The following TMEM143 variants were observed in gnomAD, a reference collection of about 807,000 sequenced individuals.
TMEM143 encodes the protein transmembrane protein 143.
TMEM143 carries 45 observed loss-of-function variants against 40.3 expected under a neutral mutation model. The ratio of observed to expected loss-of-function variants is 1.12; its 90% CI spans 0.88 to 1.43. The LOEUF (loss-of-function observed/expected upper bound fraction) is 1.43, where lower values mean the gene tolerates loss of function less well. Among genes scored for constraint, TMEM143 ranks in the 40% most tolerant of loss-of-function variants. The pLI, the probability that TMEM143 is intolerant of heterozygous loss-of-function variation, is 0.00. For synonymous variants in TMEM143, 299 were observed against 282.7 expected, an observed-to-expected ratio of 1.06 and a Z score of -0.58; for missense variants, 620 against 613.4, an observed-to-expected ratio of 1.01 and a Z score of -0.11.
intron 6 of TMEM143, among the ~76,000 whole-genome samples, chr19:48,341,543 A>G (rs1668100590): frequency 1.3e-5 from 2 of 152,176 alleles, no homozygotes; most frequent in African/African-American, 2.4e-5. Context: ...AATGATAATA[A>G]TCATCATCCT....
At position 48,334,085 on chromosome 19, in the gene TMEM143, T is replaced by A; in HGVS notation, c.1088A>T (p.Asp363Val). ...CAGCAGCGCCTCCTTGGTGTGCTCG[T>A]CCTGCGCGCGCAGGGCCAGGGCGCT... The part of the protein sequence containing the change: ...LLSALALRAQ[D>V]EHTKEALLAH... Residue 363 changes from aspartate to valine, a missense_variant, in exon 7 of 8, where the codon GAC becomes GTC. Coordinates refer to ENST00000293261, the MANE Select transcript of TMEM143 (RefSeq NM_018273.4). The A allele has an allele frequency of 1.9e-6, 3 of 1,590,062 alleles. No homozygotes were observed. Among genetic ancestry groups the A allele is most frequent in the Non-Finnish European group, 1.7e-6 (2 of 1,169,592 alleles).
intron 5 of TMEM143, 77 bp downstream of exon 5, chr19:48,343,244 G>GAC: frequency 1.3e-6 from 2 of 1,515,834 alleles, no homozygotes; most frequent in Non-Finnish European, 1.8e-6. Flanking sequence ...ACCCAAACCA[G>GAC]ACACTGACCT....
rs1047913776 is a variant in TMEM143, at chr19:48,341,899, C to T, written c.975+631G>A. Among the ~76,000 whole-genome samples the T allele has an allele frequency of 2.6e-5, 4 of 152,012 alleles. No individual in the cohort carries two copies. The East Asian group carries it at 7.7e-4, about 29-fold the overall frequency. On this transcript the variant is annotated intron_variant, in intron 6 of 7. Coordinates refer to ENST00000293261, the MANE Select transcript of TMEM143 (RefSeq NM_018273.4). ...GCCGAGCACTGCCCAGTGCTTCTCA[C>T]AGACTCACTCATTTCATGCTCACAA...
chr19:48,349,996 A>AT (rs1969727323), intron 3 of TMEM143, among the ~76,000 whole-genome samples: 6 of 103,000 alleles, frequency 5.8e-5, no homozygotes, highest in African/African-American at 2.0e-4. Context: ...GTCTACATTT[A>AT]ATTTTTTTTT....
Position 48,333,569 on chromosome 19 carries a change from G to A in TMEM143, c.1166-136C>T. On this transcript the variant is annotated intron_variant, in intron 7 of 7. Transcript: ENST00000293261. The surrounding 1 kb of genome is among the most constrained non-coding windows in gnomAD (Gnocchi z 4.1). ...AAGCCTAGGAGTGATCTTGAGGCTTGGAGGGGAGCGGAACAAGGCCCAGGA... is the reference window on the plus strand; with the variant it reads ...AAGCCTAGGAGTGATCTTGAGGCTTAGAGGGGAGCGGAACAAGGCCCAGGA... 1.7e-6 allele frequency: 1 copy of A among 584,132 alleles called. No homozygotes were observed. Among genetic ancestry groups the A allele is most frequent in the Non-Finnish European group, 2.9e-6 (1 of 340,940 alleles). 36.2% of individuals were successfully genotyped at this position (584,132 alleles called of 1,614,324 possible). A position where few individuals can be genotyped will look rare whatever the true frequency, so the allele number is the denominator to read the frequency against.
chr19:48,334,416 CTCTTTCTTTCTTTCTTTCTTTCTT>C lies in TMEM143; in HGVS notation c.976-243_976-220del, dbSNP rs201875941. 6.2e-3 allele frequency among the ~76,000 whole-genome samples: 676 copies of C among 108,246 alleles called. 8 individuals are homozygous for C. The highest frequency in any genetic ancestry group is 0.014 in the Middle Eastern group (3 of 210). 71.0% of individuals were successfully genotyped at this position (108,246 alleles called of 152,430 possible). On this transcript the variant is annotated intron_variant, in intron 6 of 7. Transcript: ENST00000293261. ...GTCTTTTCTTTTTCTTTCTTTTTCTCTCTTTCTTTCTTTCTTTCTTTCTTTCTTTCTTTCTTTCTTTCTTTCTTT... is the reference window on the plus strand; with the variant it reads ...GTCTTTTCTTTTTCTTTCTTTTTCTCTCTTTCTTTCTTTCTTTCTTTCTTT...
chr19:48,363,873 T>C (rs201441262), intron 1 of TMEM143, 25 bp downstream of exon 1: 1 of 1,613,938 alleles, frequency 6.2e-7, no homozygotes. Flanking sequence ...TCCCTGGCCA[T>C]GCAATCCCCC....
At chr19:48,349,997 ATTT>A (rs71181679) in intron 3 of TMEM143, among the ~76,000 whole-genome samples, 19 of 109,016 alleles carry the variant, frequency 1.7e-4, no homozygotes, top group Non-Finnish European at 1.6e-4. Context: ...TCTACATTTA[ATTT>A]TTTTTTTTTT....
At chr19:48,340,121 ATTTTTT>A (rs11369636) in intron 6 of TMEM143, among the ~76,000 whole-genome samples, 3 of 98,560 alleles carry the variant, frequency 3.0e-5, no homozygotes, top group African/African-American at 4.2e-5. Flanking sequence ...GTCAACTGGG[ATTTTTT>A]TTTTTTTTTT....
At chr19:48,351,989 T>C (rs980161688) in intron 3 of TMEM143, among the ~76,000 whole-genome samples, 5 of 151,966 alleles carry the variant, frequency 3.3e-5, no homozygotes, top group Non-Finnish European at 5.9e-5. Flanking sequence ...GGTTTACGCC[T>C]GTAATCCCAG....
At chr19:48,344,879 T>C (rs1969584907) in intron 4 of TMEM143, among the ~76,000 whole-genome samples, 1 of 152,168 alleles carries the variant, frequency 6.6e-6, no homozygotes. Context: ...GATAATTTTT[T>C]ATATTTTTAG....
At chr19:48,348,535 T>C (rs1969697251) in intron 3 of TMEM143, among the ~76,000 whole-genome samples, 1 of 152,080 alleles carries the variant, frequency 6.6e-6, no homozygotes, top group African/African-American at 2.4e-5. Context: ...GGAGATCTCG[T>C]CAAACAATAA....
chr19:48,357,558 G>A (rs35669544), intron 3 of TMEM143, among the ~76,000 whole-genome samples: 2,303 of 150,480 alleles, frequency 0.015, 30 homozygotes, highest in Middle Eastern at 0.13. Context: ...GGGTTTCACC[G>A]TGTTAGACAG....
Position 48,342,811 on chromosome 19 carries a change from T to C in TMEM143, c.696-2A>G, listed in dbSNP as rs769459948. On this transcript the variant is annotated splice_acceptor_variant, in intron 5 of 7. Transcript: ENST00000293261. LOFTEE classifies it high-confidence loss of function. The stretch of plus-strand genomic sequence containing the variant: ...AGGACCACCCGCTTAAAGTATCTCC[T>C]GAGGGACAGAGACAGAGGCAGGAGC... The C allele has an allele frequency of 6.9e-6, 11 of 1,596,002 alleles. No homozygotes were observed. Among genetic ancestry groups the C allele is most frequent in the African/African-American group, 1.3e-5 (1 of 74,652 alleles).
At chr19:48,362,372 TC>T (rs1970063347) in intron 2 of TMEM143, among the ~76,000 whole-genome samples, 2 of 152,056 alleles carry the variant, frequency 1.3e-5, no homozygotes, top group South Asian at 4.2e-4. Context: ...ATACCCTGTC[TC>T]TACTAAAAAT....
intron 2 of TMEM143, 199 bp from the exon 3 acceptor site, chr19:48,360,375 CA>C (rs2147389319): frequency 1.9e-6 from 1 of 526,598 alleles, no homozygotes; most frequent in South Asian, 2.0e-5. Context: ...GTCAGGAGTT[CA>C]AGACCAGCGT....
chr19:48,356,892 CCTTT>C (rs1569036550), intron 3 of TMEM143, among the ~76,000 whole-genome samples: 17 of 129,814 alleles, frequency 1.3e-4, no homozygotes, highest in African/African-American at 5.1e-4. Context: ...CAGCACCTGG[CCTTT>C]TTTTTTTTTT....
At chr19:48,341,253 C>T (rs1969479359) in intron 6 of TMEM143, among the ~76,000 whole-genome samples, 1 of 152,226 alleles carries the variant, frequency 6.6e-6, no homozygotes, top group Non-Finnish European at 1.5e-5. Flanking sequence ...CGCATTTTGG[C>T]AAGCGGAGCA....
At position 48,337,726 on chromosome 19, in the gene TMEM143, G is replaced by A. The variant is rs188624635; in HGVS notation, c.976-3529C>T. 7.9e-5 allele frequency among the ~76,000 whole-genome samples: 12 copies of A among 152,130 alleles called. No homozygotes were observed. The East Asian group carries it at 1.5e-3, about 20-fold the overall frequency. On this transcript the variant is annotated intron_variant, in intron 6 of 7. Transcript: ENST00000293261. ...TCAAGTCAGCGCACCCCAGAAAATCGCTGAAATGGCCTGCAAGGTACCAAT... is the reference window on the plus strand; with the variant it reads ...TCAAGTCAGCGCACCCCAGAAAATCACTGAAATGGCCTGCAAGGTACCAAT...
Sources: allele counts gnomAD v4.1 joint callset (sites outside exome capture counted in the v4.1 genomes callset), GRCh38; gene constraint gnomAD v4.1.1; non-coding constraint Gnocchi (gnomAD v3.1); transcripts MANE v1.5; gene names NCBI Gene and HGNC (gene_info 2026-07-23, HGNC 2026-07-21).